The following WDR27 variants were observed in gnomAD, a reference collection of about 807,000 sequenced individuals.
WDR27 encodes the protein WD repeat domain 27.
WDR27 carries 100 observed loss-of-function variants against 114.4 expected under a neutral mutation model. The ratio of observed to expected loss-of-function variants is 0.87; its 90% confidence interval spans 0.74 to 1.03. The LOEUF is 1.03. Ranked by LOEUF, WDR27 falls within the 50% of genes least tolerant of loss-of-function variation. WDR27 has a pLI of 0.00. For missense variants in WDR27, 1,129 were observed against 1,092.9 expected (o/e 1.03, Z -0.47); for synonymous variants, 449 against 423.1 (o/e 1.06, Z -0.75).
At chr6:169,666,330 T>C (rs1014847346) in intron 6 of WDR27, 2 of 951,456 alleles carry the variant, frequency 2.1e-6, no homozygotes, top group Non-Finnish European at 2.5e-6. Context: ...AGAAAGAATG[T>C]TAAATCTTTG....
In WDR27 at chr6:169,668,158, G is replaced by A. The variant is rs550761168; in HGVS notation, c.484C>T (p.Arg162Cys). The stretch of plus-strand genomic sequence containing the variant: ...TTGTGGCGGTTATTAACATCAGGAC[G>A]TTCTATGTATGTCACAGAAAATCGC... ...EQRFSVTYIE[R>C]PDVNNRHKVP... Residue 162 changes from arginine (R) to cysteine (C), a missense_variant, in exon 5 of 26, where the codon CGT becomes TGT. By Grantham distance (180) the Arg-to-Cys change is radical. Coordinates refer to ENST00000448612, the MANE Select transcript of WDR27 (RefSeq NM_182552.5). 1.5e-5 allele frequency: 24 copies of A among 1,613,868 alleles called. No homozygotes were observed. The highest frequency in any genetic ancestry group is 1.6e-4 in the Middle Eastern group (1 of 6,084).
chr6:169,639,337 G>A (rs1265585506), intron 17 of WDR27, among the ~76,000 whole-genome samples: 2 of 152,182 alleles, frequency 1.3e-5, no homozygotes, highest in Admixed American at 6.5e-5. Context: ...TCAACATTAT[G>A]TGTGCATCTG....
intron 25 of WDR27, among the ~76,000 whole-genome samples, chr6:169,553,703 G>A (rs560221440): frequency 6.6e-6 from 1 of 152,292 alleles, no homozygotes; most frequent in Non-Finnish European, 1.5e-5. Flanking sequence ...ATTACGACCT[G>A]CTAGAAGAGC....
At chr6:169,583,504 TGTATATATAC>T (rs1173577961) in intron 23 of WDR27, among the ~76,000 whole-genome samples, 734 of 25,010 alleles carry the variant, frequency 0.029, 7 homozygotes, top group African/African-American at 0.043. Flanking sequence ...TATATATATA[TGTATATATAC>T]ACACACACAC....
intron 17 of WDR27, among the ~76,000 whole-genome samples, chr6:169,639,324 A>T (rs1371897511): frequency 6.6e-6 from 1 of 152,188 alleles, no homozygotes; most frequent in Non-Finnish European, 1.5e-5. Context: ...TAAACTAAGA[A>T]GTTCAACATT....
intron 22 of WDR27, among the ~76,000 whole-genome samples, chr6:169,605,334 A>T (rs1381468308): frequency 6.6e-6 from 1 of 151,940 alleles, no homozygotes; most frequent in Non-Finnish European, 1.5e-5. Flanking sequence ...GATTTAGCTG[A>T]GAACCAGACA....
At chr6:169,445,963 G>A in the WDR27 span, among the ~76,000 whole-genome samples, 1 of 152,230 alleles carries the variant, frequency 6.6e-6, no homozygotes, top group African/African-American at 2.4e-5. Flanking sequence ...GGCTGCCCCA[G>A]CCTGTGATTT....
intron 25 of WDR27, among the ~76,000 whole-genome samples, chr6:169,517,543 T>G (rs1005213583): frequency 6.6e-6 from 1 of 152,166 alleles, no homozygotes. Context: ...AAAAATACAT[T>G]TATGCTATCT....
intron 25 of WDR27, among the ~76,000 whole-genome samples, chr6:169,547,413 G>C (rs925304907): frequency 5.9e-5 from 9 of 152,056 alleles, no homozygotes; most frequent in African/African-American, 2.2e-4. Context: ...GTAGACAGAT[G>C]CAAAAATCCT....
chr6:169,679,331 T>G (rs531898663), intron 2 of WDR27, among the ~76,000 whole-genome samples: 1 of 152,318 alleles, frequency 6.6e-6, no homozygotes, highest in South Asian at 2.1e-4. Flanking sequence ...TTACAAAGTT[T>G]GACTCTTTTC....
intron 13 of WDR27, among the ~76,000 whole-genome samples, chr6:169,655,455 T>C (rs562565917): frequency 6.6e-6 from 1 of 152,304 alleles, no homozygotes; most frequent in South Asian, 2.1e-4. Context: ...AAATCGTGGG[T>C]ACATAAACCG....
chr6:169,480,118 T>C (rs1184359140), intron 25 of WDR27, among the ~76,000 whole-genome samples: 1 of 151,954 alleles, frequency 6.6e-6, no homozygotes, highest in Non-Finnish European at 1.5e-5. Flanking sequence ...GCTCAGCGGG[T>C]CCCACACTTG....
chr6:169,577,694 T>TCCGC (rs1300519187), intron 24 of WDR27, among the ~76,000 whole-genome samples: 1 of 152,076 alleles, frequency 6.6e-6, no homozygotes, highest in Non-Finnish European at 1.5e-5. Context: ...GGCCTTTTCC[T>TCCGC]CCGCGGCCCA....
chr6:169,475,054 C>G (rs757688600), intron 25 of WDR27, among the ~76,000 whole-genome samples: 6 of 152,256 alleles, frequency 3.9e-5, no homozygotes, highest in Non-Finnish European at 8.8e-5. Flanking sequence ...TTAAACCTTA[C>G]TGTCAGTTGT....
intron 23 of WDR27, among the ~76,000 whole-genome samples, chr6:169,590,849 T>C (rs958836278): frequency 2.0e-5 from 3 of 152,204 alleles, no homozygotes; most frequent in Non-Finnish European, 4.4e-5. Context: ...AATATGCCAT[T>C]CTGTGTCTAC....
chr6:169,683,635 TG>T (rs1273283377), intron 2 of WDR27, among the ~76,000 whole-genome samples: 1 of 152,154 alleles, frequency 6.6e-6, no homozygotes, highest in East Asian at 1.9e-4. Flanking sequence ...CTGTGGTGAC[TG>T]GAAGTCCAGG....
chr6:169,616,322 T>C (rs1297114292), intron 21 of WDR27, among the ~76,000 whole-genome samples: 2 of 152,042 alleles, frequency 1.3e-5, no homozygotes, highest in Non-Finnish European at 2.9e-5. Flanking sequence ...ACCCTGTCTC[T>C]ACTAAAAATA....
chr6:169,457,452 G>A lies in WDR27; in HGVS notation c.*140C>T, dbSNP rs1784411777. 6 of 650,886 alleles carry A rather than the reference G, an allele frequency of 9.2e-6. No homozygotes were observed. Among genetic ancestry groups the A allele is most frequent in the African/African-American group, 1.9e-5 (1 of 53,608 alleles). The allele number at this position is 650,886 out of a possible 1,614,324, so 40.3% of individuals were successfully genotyped here. On this transcript the variant is annotated 3_prime_UTR_variant, in exon 26 of 26. Coordinates refer to ENST00000448612, the MANE Select transcript of WDR27 (RefSeq NM_182552.5). The stretch of plus-strand genomic sequence containing the variant: ...ACACAGAGGGGAGGAGCTTGCAAAC[G>A]GGGGAAATCTGAGGCAAGTCTCAAA...
chr6:169,590,718 T>A (rs935183341), intron 23 of WDR27, among the ~76,000 whole-genome samples: 3 of 152,238 alleles, frequency 2.0e-5, no homozygotes, highest in Non-Finnish European at 4.4e-5. Context: ...CACCCTTTTC[T>A]CTGGCACTTC....
Sources: allele counts gnomAD v4.1 joint callset (sites outside exome capture counted in the v4.1 genomes callset), GRCh38; gene constraint gnomAD v4.1.1; transcripts MANE v1.5; gene names NCBI Gene and HGNC (gene_info 2026-07-23, HGNC 2026-07-21).